STARD13: variants seen among roughly 807,000 people sequenced by gnomAD.
STARD13 encodes the protein stAR-related lipid transfer protein 13.
Under a neutral mutation model 106.4 loss-of-function variants are expected in STARD13, and 62 were observed. The observed-to-expected ratio is 0.58, with a 90% CI of 0.48 to 0.72. The LOEUF is 0.72. Ranked by LOEUF, STARD13 falls within the 30% of genes least tolerant of loss-of-function variation. The pLI is 0.00. For missense variants in STARD13, 1,387 were observed against 1,424.0 expected, an observed-to-expected ratio of 0.97 and a Z score of 0.42; for synonymous variants, 565 against 553.0, an observed-to-expected ratio of 1.02 and a Z score of -0.31.
At chr13:33,262,305 C>T (rs1409030276) in intron 1 of STARD13, among the ~76,000 whole-genome samples, 1 of 152,116 alleles carries the variant, frequency 6.6e-6, no homozygotes, top group African/African-American at 2.4e-5. Flanking sequence ...AGCTGGGCCC[C>T]GTCTGCCTGC....
the STARD13 span, among the ~76,000 whole-genome samples, chr13:33,492,976 A>C: frequency 9.9e-5 from 15 of 152,180 alleles, no homozygotes; most frequent in African/African-American, 3.4e-4. Context: ...TGCTAAGTGC[A>C]CTTTTGACTA....
intron 1 of STARD13, among the ~76,000 whole-genome samples, chr13:33,212,225 C>A (rs766973516): frequency 2.6e-5 from 4 of 152,024 alleles, no homozygotes; most frequent in South Asian, 2.1e-4. Context: ...CTTTACATCC[C>A]GAGCAGTGTG....
chr13:33,410,109 G>A, the STARD13 span, among the ~76,000 whole-genome samples: 1 of 152,206 alleles, frequency 6.6e-6, no homozygotes, highest in Non-Finnish European at 1.5e-5. Flanking sequence ...CTAATTTATT[G>A]CTGTCTTCTG....
At chr13:33,135,409 T>C (rs1197100858) in intron 4 of STARD13, among the ~76,000 whole-genome samples, 1 of 152,190 alleles carries the variant, frequency 6.6e-6, no homozygotes, top group East Asian at 1.9e-4. Context: ...GTCCTATGAG[T>C]GACAGCTGCA....
chr13:33,446,503 T>G, the STARD13 span, among the ~76,000 whole-genome samples: 1 of 152,182 alleles, frequency 6.6e-6, no homozygotes, highest in East Asian at 1.9e-4. Context: ...TAATCTTCCC[T>G]GATTTCCTAT....
chr13:33,150,999 T>G (rs1219256424), intron 3 of STARD13, among the ~76,000 whole-genome samples: 2 of 152,070 alleles, frequency 1.3e-5, no homozygotes, highest in Non-Finnish European at 2.9e-5. Context: ...CCATGTGGGA[T>G]AGAAACATGA....
chr13:33,174,939 A>C (rs1216146043), intron 1 of STARD13, among the ~76,000 whole-genome samples: 1 of 152,218 alleles, frequency 6.6e-6, no homozygotes, highest in Non-Finnish European at 1.5e-5. Context: ...ATGTGTGTGA[A>C]TGTGTGCTCA....
chr13:33,646,811 T>G, the STARD13 span, among the ~76,000 whole-genome samples: 1 of 152,176 alleles, frequency 6.6e-6, no homozygotes, highest in East Asian at 1.9e-4. Flanking sequence ...CAAATTCTTT[T>G]AAAAAGTGGA....
chr13:33,301,239 A>G (rs1164937005), intron 1 of STARD13, among the ~76,000 whole-genome samples: 2 of 152,208 alleles, frequency 1.3e-5, no homozygotes, highest in Non-Finnish European at 2.9e-5. Flanking sequence ...AAAGACAGGT[A>G]GGAAGGATGG....
chr13:33,609,105 A>AAAAAAAAAAAAG, the STARD13 span, among the ~76,000 whole-genome samples: 195 of 133,166 alleles, frequency 1.5e-3, 12 homozygotes, highest in African/African-American at 5.3e-3. Context: ...AAAAAAAAAA[A>AAAAAAAAAAAAG]AAATATTGAT....
chr13:33,674,808 T>C, the STARD13 span, among the ~76,000 whole-genome samples: 1 of 152,232 alleles, frequency 6.6e-6, no homozygotes, highest in South Asian at 2.1e-4. Context: ...ATTATTCCTT[T>C]TCATTTTATT....
At chr13:33,470,746 C>A in the STARD13 span, among the ~76,000 whole-genome samples, 1 of 152,116 alleles carries the variant, frequency 6.6e-6, no homozygotes, top group East Asian at 1.9e-4. Flanking sequence ...CTGTTCATAT[C>A]CTTTGCCCAC....
chr13:33,250,840 T>C (rs1438005685), intron 1 of STARD13, among the ~76,000 whole-genome samples: 1 of 152,212 alleles, frequency 6.6e-6, no homozygotes, highest in Non-Finnish European at 1.5e-5. Context: ...CACACATCTG[T>C]TCTTGTTTGC....
chr13:33,569,780 A>G, the STARD13 span, among the ~76,000 whole-genome samples: 3 of 148,112 alleles, frequency 2.0e-5, 1 homozygote, highest in African/African-American at 7.4e-5. Flanking sequence ...AGACAGAAAT[A>G]TTAATTTTCC....
the STARD13 span, among the ~76,000 whole-genome samples, chr13:33,609,002 CG>C: frequency 6.9e-6 from 1 of 145,548 alleles, no homozygotes; most frequent in East Asian, 2.1e-4. Context: ...AGGAGAATGG[CG>C]TGAACCCGGG....
intron 1 of STARD13, among the ~76,000 whole-genome samples, chr13:33,326,830 G>C (rs757012550): frequency 6.6e-6 from 1 of 152,162 alleles, no homozygotes; most frequent in African/African-American, 2.4e-5. Flanking sequence ...CTCAAGTGGT[G>C]CTCTTATAAT....
At chr13:33,425,253 G>T in the STARD13 span, among the ~76,000 whole-genome samples, 1 of 152,180 alleles carries the variant, frequency 6.6e-6, no homozygotes, top group Non-Finnish European at 1.5e-5. Flanking sequence ...TTCTTTCAAA[G>T]CCACCAACAA....
intron 1 of STARD13, among the ~76,000 whole-genome samples, chr13:33,337,607 T>G (rs1001533374): frequency 4.6e-5 from 7 of 152,224 alleles, no homozygotes; most frequent in Non-Finnish European, 7.3e-5. Flanking sequence ...CTTTCTTTTT[T>G]GGGGGTTCAC....
chr13:33,111,691 A>G, intron 10 of STARD13, 87 bp downstream of exon 10: 1 of 819,822 alleles, frequency 1.2e-6, no homozygotes, highest in Non-Finnish European at 2.1e-6. Context: ...ACAAACAGAT[A>G]GAAACCATAA....
Sources: allele counts gnomAD v4.1 joint callset (sites outside exome capture counted in the v4.1 genomes callset), GRCh38; gene constraint gnomAD v4.1.1; transcripts MANE v1.5; gene names NCBI Gene and HGNC (gene_info 2026-07-23, HGNC 2026-07-21).